The following SGCD variants were observed in gnomAD, a reference collection of about 807,000 sequenced individuals.
SGCD encodes the protein delta-sarcoglycan.
In SGCD, 18 loss-of-function variants were observed where a neutral mutation model predicts 36.6. That is an observed-to-expected ratio of 0.49 (90% CI 0.34 to 0.73). The LOEUF is 0.73. SGCD is among the 30% of genes least tolerant of loss of function. The probability of loss-of-function intolerance (pLI) is 0.01; values close to 1 mark genes in which losing one functional copy is unlikely to be tolerated. For missense variants in SGCD, 387 were observed against 346.7 expected (o/e 1.12, Z -0.92); for synonymous variants, 133 against 130.6 (o/e 1.02, Z -0.12).
chr5:155,764,810 G>T, the SGCD span, among the ~76,000 whole-genome samples: 1 of 152,186 alleles, frequency 6.6e-6, no homozygotes, highest in Non-Finnish European at 1.5e-5. Flanking sequence ...AGACAGCCAT[G>T]CTAAGACCAT....
intron 1 of SGCD, among the ~76,000 whole-genome samples, chr5:155,936,298 G>A (rs1757198607): frequency 6.6e-6 from 1 of 152,200 alleles, no homozygotes; most frequent in Admixed American, 6.5e-5. Flanking sequence ...GTGGACAAGT[G>A]GAGGGTGAGC....
intron 3 of SGCD, among the ~76,000 whole-genome samples, chr5:156,494,675 A>G (rs1756101308): frequency 6.6e-6 from 1 of 152,158 alleles, no homozygotes; most frequent in South Asian, 2.1e-4. Context: ...CAAATAATAA[A>G]AAATCCAAAT....
chr5:155,915,432 G>A (rs1195490223), intron 1 of SGCD, among the ~76,000 whole-genome samples: 1 of 152,116 alleles, frequency 6.6e-6, no homozygotes, highest in Admixed American at 6.6e-5. Context: ...AGATGGATGA[G>A]CTATATACAA....
chr5:156,110,948 C>A (rs868667106), intron 1 of SGCD, among the ~76,000 whole-genome samples: 2 of 151,994 alleles, frequency 1.3e-5, no homozygotes, highest in African/African-American at 2.4e-5. Context: ...TGTCTGAGAT[C>A]TGGGGTGAGG....
intron 3 of SGCD, among the ~76,000 whole-genome samples, chr5:156,257,735 AC>A (rs1188991497): frequency 6.6e-6 from 1 of 151,548 alleles, no homozygotes; most frequent in East Asian, 2.0e-4. Flanking sequence ...GTGATAGGGC[AC>A]GCCTGTAATC....
At chr5:156,714,939 A>G (rs1056501295) in intron 7 of SGCD, among the ~76,000 whole-genome samples, 1 of 152,196 alleles carries the variant, frequency 6.6e-6, no homozygotes, top group Non-Finnish European at 1.5e-5. Context: ...GTATAAATAT[A>G]TCCATAAATA....
intron 1 of SGCD, among the ~76,000 whole-genome samples, chr5:156,094,147 T>C (rs1418561103): frequency 1.3e-5 from 2 of 152,030 alleles, no homozygotes; most frequent in African/African-American, 4.8e-5. Context: ...GTTGAGACAT[T>C]GGCCAGGGGG....
At chr5:155,987,345 C>A (rs1316085993) in intron 1 of SGCD, among the ~76,000 whole-genome samples, 1 of 152,036 alleles carries the variant, frequency 6.6e-6, no homozygotes, top group South Asian at 2.1e-4. Context: ...TTTCTACCTC[C>A]AAAATGTCTC....
At chr5:155,760,065 A>G in the SGCD span, among the ~76,000 whole-genome samples, 70 of 152,158 alleles carry the variant, frequency 4.6e-4, no homozygotes, top group East Asian at 0.012. Flanking sequence ...TGTTATCATC[A>G]TCACCCTCTC....
intron 5 of SGCD, among the ~76,000 whole-genome samples, chr5:156,591,506 T>C (rs1398831102): frequency 3.3e-5 from 5 of 152,138 alleles, no homozygotes; most frequent in African/African-American, 9.7e-5. Context: ...GACAGCATCA[T>C]GAGGGAGTGG....
At chr5:155,866,843 C>G (rs1250786634), upstream of SGCD, among the ~76,000 whole-genome samples, 1 of 152,182 alleles carries the variant, frequency 6.6e-6, no homozygotes, top group Non-Finnish European at 1.5e-5. Context: ...CCCTCCCTTT[C>G]CTTACACACA....
At chr5:155,848,556 G>A in the SGCD span, among the ~76,000 whole-genome samples, 4 of 152,066 alleles carry the variant, frequency 2.6e-5, no homozygotes, top group Non-Finnish European at 2.9e-5. Context: ...CCCTTTCATC[G>A]TTTTCTTGTC....
At chr5:155,858,948 T>TC in the SGCD span, among the ~76,000 whole-genome samples, 1 of 151,626 alleles carries the variant, frequency 6.6e-6, no homozygotes, top group Non-Finnish European at 1.5e-5. Flanking sequence ...GCAGGTTTTT[T>TC]TTTTTCTCTC....
the SGCD span, among the ~76,000 whole-genome samples, chr5:155,807,711 G>T: frequency 1.3e-5 from 2 of 152,190 alleles, no homozygotes; most frequent in Non-Finnish European, 2.9e-5. Flanking sequence ...ATGATACAAA[G>T]CCTTTGGTAT....
chr5:156,275,741 C>T (rs1766303160), intron 3 of SGCD, among the ~76,000 whole-genome samples: 1 of 152,136 alleles, frequency 6.6e-6, no homozygotes, highest in African/African-American at 2.4e-5. Context: ...GGAATTGCTA[C>T]ACCTACTCTT....
At chr5:156,252,596 G>A (rs921158237) in intron 3 of SGCD, among the ~76,000 whole-genome samples, 1 of 152,174 alleles carries the variant, frequency 6.6e-6, no homozygotes, top group Non-Finnish European at 1.5e-5. Flanking sequence ...TATAATGCGT[G>A]AGTGTTGTTC....
At chr5:156,017,092 C>T (rs1186834996) in intron 1 of SGCD, among the ~76,000 whole-genome samples, 2 of 152,116 alleles carry the variant, frequency 1.3e-5, no homozygotes, top group Non-Finnish European at 2.9e-5. Context: ...ATGTGGCCAA[C>T]TAATGGTTGG....
intron 3 of SGCD, among the ~76,000 whole-genome samples, chr5:156,423,442 T>C (rs1773515848): frequency 8.6e-6 from 1 of 116,332 alleles, no homozygotes; most frequent in East Asian, 2.2e-4. Flanking sequence ...TATAATATAT[T>C]TATTTTATTA....
chr5:156,501,830 C>T (rs950598569), intron 3 of SGCD, among the ~76,000 whole-genome samples: 1 of 152,162 alleles, frequency 6.6e-6, no homozygotes, highest in African/African-American at 2.4e-5. Flanking sequence ...GGAGCCTGGC[C>T]TCCTCCTTCT....
Sources: gnomAD v4.1 joint callset for allele counts (sites outside exome capture counted in the v4.1 genomes callset) on GRCh38, gnomAD v4.1.1 for gene constraint, MANE v1.5 for transcripts, NCBI Gene and HGNC (gene_info 2026-07-23, HGNC 2026-07-21) for gene names.